CACNA1G: variants seen among roughly 807,000 people sequenced by gnomAD.
The protein encoded by CACNA1G is calcium voltage-gated channel subunit alpha1 G, also known as voltage-dependent T-type calcium channel subunit alpha-1G.
A neutral mutation model predicts 219.4 loss-of-function variants in CACNA1G; 67 were observed. The observed-to-expected ratio is 0.31, with a 90% CI of 0.25 to 0.37. The LOEUF is 0.37. CACNA1G is among the 10% of genes least tolerant of loss of function. The probability of loss-of-function intolerance (pLI) is 1.00; values close to 1 mark genes in which losing one functional copy is unlikely to be tolerated. For missense variants in CACNA1G, 2,380 were observed against 3,231.4 expected (o/e 0.74, Z 6.39); for synonymous variants, 1,296 against 1,345.3 (o/e 0.96, Z 0.80).
At chr17:50,619,088 G>GGA in intron 33 of CACNA1G, 80 bp downstream of exon 33, 1 of 1,141,478 alleles carries the variant, frequency 8.8e-7, no homozygotes, top group East Asian at 2.6e-5. Flanking sequence ...GAGCCAAGCG[G>GGA]GCAGCACACA....
chr17:50,618,282 G>A lies in CACNA1G; in HGVS notation c.5366G>A (p.Gly1789Asp). 6.2e-7 allele frequency: 1 copy of A among 1,613,764 alleles called. No homozygotes were observed. The highest frequency in any genetic ancestry group is 8.5e-7 in the Non-Finnish European group (1 of 1,179,802). ...CGTCATGCCACCTTTCGGAACTTTG[G>A]CATGGCCTTCCTAACCCTCTTCCGA... is the stretch of plus-strand genomic sequence containing the variant. ...LGRHATFRNF[G>D]MAFLTLFRVS... The change falls in exon 32 of 38, where the codon GGC becomes GAC. Residue 1789 changes from glycine to aspartate, a missense_variant. Coordinates refer to ENST00000359106, the MANE Select transcript of CACNA1G (RefSeq NM_018896.5). The surrounding 1 kb of genome is among the most constrained non-coding windows in gnomAD (Gnocchi z 5.3).
intron 35 of CACNA1G, 134 bp from the exon 36 acceptor site, chr17:50,623,773 C>G: frequency 1.2e-6 from 1 of 866,478 alleles, no homozygotes. Context: ...ATGCCCATCT[C>G]TACCTTGTCC....
At position 50,624,460 on chromosome 17, in the gene CACNA1G, C is replaced by G. The variant is rs1431765056; in HGVS notation, c.6330C>G (p.Thr2110=). The change falls in exon 37 of 38, where the codon ACC becomes ACG. Residue 2110 remains threonine (T), a synonymous_variant. Transcript: ENST00000359106. ...PHLLQPHSAP[T]WGTIPKLPPP... ...TGCTCCAGCCCCACAGCGCCCCAACCTGGGGCACCATCCCCAAACTGCCCC... is the reference window on the plus strand; with the variant it reads ...TGCTCCAGCCCCACAGCGCCCCAACGTGGGGCACCATCCCCAAACTGCCCC... 8.1e-6 allele frequency: 13 copies of G among 1,601,218 alleles called. No individual in the cohort carries two copies. The highest frequency in any genetic ancestry group is 1.1e-5 in the Non-Finnish European group (13 of 1,174,486).
chr17:50,604,779 G>C (rs1427159649), intron 22 of CACNA1G, among the ~76,000 whole-genome samples: 1 of 152,236 alleles, frequency 6.6e-6, no homozygotes, highest in Non-Finnish European at 1.5e-5. Context: ...CTTGGCTTTG[G>C]AAGAGAAAGA....
intron 9 of CACNA1G, among the ~76,000 whole-genome samples, chr17:50,585,711 G>A (rs1457270999): frequency 6.6e-6 from 1 of 152,172 alleles, no homozygotes; most frequent in Non-Finnish European, 1.5e-5. Context: ...TGATCTACAT[G>A]ATGAGGCCTG....
At position 50,578,125 on chromosome 17, in the gene CACNA1G, A is replaced by C; in HGVS notation, c.1925-63A>C. ...TCCCTGACTCATTTTACACATACTCACAGGGCAGGGTAGCCCCAGGTACGA... is the reference window on the plus strand; with the variant it reads ...TCCCTGACTCATTTTACACATACTCCCAGGGCAGGGTAGCCCCAGGTACGA... On this transcript the variant is annotated intron_variant, in intron 8 of 37. Coordinates refer to ENST00000359106, the MANE Select transcript of CACNA1G (RefSeq NM_018896.5). The surrounding 1 kb of genome is among the most constrained non-coding windows in gnomAD (Gnocchi z 4.5). The C allele has an allele frequency of 2.7e-6, 4 of 1,486,870 alleles. No homozygotes were observed. The highest frequency in any genetic ancestry group is 3.6e-6 in the Non-Finnish European group (4 of 1,122,968). The allele number at this position is 1,486,870 out of a possible 1,614,324, so 92.1% of individuals were successfully genotyped here.
intron 11 of CACNA1G, 56 bp downstream of exon 11, chr17:50,591,676 G>A: frequency 3.1e-6 from 5 of 1,609,116 alleles, no homozygotes; most frequent in Non-Finnish European, 4.3e-6. Flanking sequence ...GGGGGCAGGA[G>A]GGCCTGAGGG....
chr17:50,594,856 T>G, intron 13 of CACNA1G, 137 bp from the exon 14 acceptor site: 1 of 613,792 alleles, frequency 1.6e-6, no homozygotes, highest in Non-Finnish European at 3.0e-6. Flanking sequence ...TGCCCCCCCA[T>G]TCCCCGTGTC....
chr17:50,569,894 C>T, intron 4 of CACNA1G, 91 bp downstream of exon 4: 1 of 970,218 alleles, frequency 1.0e-6, no homozygotes. Context: ...GTGTCCTCAC[C>T]TGACCCCTCA....
rs377425697 is a variant in CACNA1G at position 50,567,913 on chromosome 17, G to A, written c.243-957G>A. On this transcript the variant is annotated intron_variant, in intron 1 of 37. Transcript: ENST00000359106. ...CTCTCTCCTGCTTGCTGTTTTGGCT[G>A]GTCTGGGCTGGAAGCCACAAGCAGG... is the stretch of plus-strand genomic sequence containing the variant. 1.1e-4 allele frequency among the ~76,000 whole-genome samples: 17 copies of A among 152,220 alleles called. 5 individuals carry two copies. Among genetic ancestry groups the A allele is most frequent in the African/African-American group, 3.6e-4 (15 of 41,536 alleles).
At position 50,609,935 on chromosome 17, in the gene CACNA1G, G is replaced by C; in HGVS notation, c.4759G>C (p.Glu1587Gln). The C allele has an allele frequency of 6.2e-7, 1 of 1,610,082 alleles. No individual in the cohort carries two copies. Among genetic ancestry groups the C allele is most frequent in the Non-Finnish European group, 8.5e-7 (1 of 1,179,536 alleles). Residue 1587 changes from glutamate (E) to glutamine (Q), a missense_variant and splice_region_variant, in exon 26 of 38, where the codon GAA (glutamate) becomes CAA (glutamine). Coordinates refer to ENST00000359106, the MANE Select transcript of CACNA1G (RefSeq NM_018896.5). The stretch of plus-strand genomic sequence containing the variant: ...CGGCAGCTCAGCCAGCGCTGCGTCA[G>C]GTACTGCGTCTGGGGTGTGGGCTCA... ...ASGSSASAAS[E>Q]AQCKPYYSDY...
chr17:50,560,761 T>C lies in CACNA1G; in HGVS notation c.-699T>C, dbSNP rs2035391729. Among the ~76,000 whole-genome samples the C allele has an allele frequency of 6.6e-6, 1 of 152,144 alleles. No individual in the cohort carries two copies. The highest frequency in any genetic ancestry group is 1.5e-5 in the Non-Finnish European group (1 of 68,006). ...CGCTTTCGCTCGCTCGCTCCGCGTC[T>C]CGGCCGGAGGAGGAGGCTGTGGCGC... On this transcript the variant is annotated 5_prime_UTR_variant, in exon 1 of 38. Coordinates refer to ENST00000359106, the MANE Select transcript of CACNA1G (RefSeq NM_018896.5).
rs1367125402 is a variant in CACNA1G at position 50,603,502 on chromosome 17, A to G, written c.4169+303A>G. Among the ~76,000 whole-genome samples the G allele has an allele frequency of 6.6e-6, 1 of 152,162 alleles. No homozygotes were observed. Among genetic ancestry groups the G allele is most frequent in the Non-Finnish European group, 1.5e-5 (1 of 68,022 alleles). ...GCACACAGCACAAGGGGCCACGAGC[A>G]GGACTCTCACAGTCTTCAGCTGCGG... On this transcript the variant is annotated intron_variant, in intron 21 of 37. Transcript: ENST00000359106. The surrounding 1 kb of genome is among the most constrained non-coding windows in gnomAD (Gnocchi z 6.4).
At position 50,576,053 on chromosome 17, in the gene CACNA1G, G is replaced by C; in HGVS notation, c.1651G>C (p.Glu551Gln). ...CTCCGGGGCCCCCCCTGGTGGCGCA[G>C]AGTCTGTGCACAGCTTCTACCATGC... ...ALSGAPPGGA[E>Q]SVHSFYHADC... is the part of the protein sequence containing the mutation. The change falls in exon 8 of 38, where the codon GAG becomes CAG. Residue 551 changes from glutamate to glutamine, a missense_variant. This residue lies in a region of CACNA1G where 434 missense variants were observed against 417.3 expected (regional missense o/e 1.04). Coordinates refer to ENST00000359106, the MANE Select transcript of CACNA1G (RefSeq NM_018896.5). 1 of 1,579,910 alleles carries C rather than the reference G, an allele frequency of 6.3e-7. No homozygotes were observed. The highest frequency in any genetic ancestry group is 8.6e-7 in the Non-Finnish European group (1 of 1,164,126).
intron 36 of CACNA1G, 36 bp from the exon 37 acceptor site, chr17:50,624,324 T>TCCCCCCCCCCCCCCCCCCCCTCCCCCCCC: frequency 8.5e-7 from 1 of 1,177,652 alleles, no homozygotes; most frequent in Non-Finnish European, 1.2e-6. Flanking sequence ...CTCCATTCTC[T>TCCCCCCCCCCCCCCCCCCCCTCCCCCCCC]CCCCCCACCC....
chr17:50,570,418 C>G (rs1287902903), intron 4 of CACNA1G, among the ~76,000 whole-genome samples: 1 of 152,160 alleles, frequency 6.6e-6, no homozygotes, highest in Non-Finnish European at 1.5e-5. Context: ...TGCTCAGGCC[C>G]CCTTTGCAAC....
Position 50,626,554 on chromosome 17 carries a change from A to G in CACNA1G, c.6937A>G (p.Ile2313Val). 2 of 1,590,914 alleles carry G rather than the reference A, an allele frequency of 1.3e-6. No homozygotes were observed. Among genetic ancestry groups the G allele is most frequent in the Non-Finnish European group, 1.7e-6 (2 of 1,170,496 alleles). ...KKKLSPPSIT[I>V]DPPESQGPRT... ...AAAACTCAGCCCGCCTAGTATCACC[A>G]TAGACCCCCCCGAGAGCCAAGGTCC... is the stretch of plus-strand genomic sequence containing the variant. The change falls in exon 38 of 38, where the codon ATA (isoleucine) becomes GTA (valine). Residue 2313 changes from isoleucine to valine, a missense_variant. Transcript: ENST00000359106. The surrounding 1 kb of genome is among the most constrained non-coding windows in gnomAD (Gnocchi z 4.3).
chr17:50,606,487 A>G, intron 23 of CACNA1G: 1 of 579,058 alleles, frequency 1.7e-6, no homozygotes, highest in Non-Finnish European at 3.1e-6. Flanking sequence ...ATGCAATGAG[A>G]TGATGTGTAT....
intron 19 of CACNA1G, 148 bp downstream of exon 19, chr17:50,601,322 G>C: frequency 1.0e-6 from 1 of 970,368 alleles, no homozygotes; most frequent in Non-Finnish European, 1.5e-6. Flanking sequence ...TCTCTCACCA[G>C]ATCCTGGTCC....
Sources: allele counts gnomAD v4.1 joint callset (sites outside exome capture counted in the v4.1 genomes callset), GRCh38; gene constraint gnomAD v4.1.1; regional missense constraint gnomAD v4.1.1; non-coding constraint Gnocchi (gnomAD v3.1); transcripts MANE v1.5; gene names NCBI Gene and HGNC (gene_info 2026-07-23, HGNC 2026-07-21).